Variants in DLG5 observed in about 807,000 individuals in gnomAD.
The protein encoded by DLG5 is discs large MAGUK scaffold protein 5.
DLG5 carries 48 observed loss-of-function variants against 189.8 expected under a neutral mutation model. That is an observed-to-expected ratio of 0.25 (90% CI 0.20 to 0.32). The LOEUF (loss-of-function observed/expected upper bound fraction) is 0.32, where lower values mean the gene tolerates loss of function less well. DLG5 is among the 10% of genes least tolerant of loss of function. The pLI, the probability that DLG5 is intolerant of heterozygous loss-of-function variation, is 1.00. For synonymous variants in DLG5, 1,016 were observed against 1,054.1 expected, an observed-to-expected ratio of 0.96 and a Z score of 0.70; for missense variants, 2,160 against 2,544.7, an observed-to-expected ratio of 0.85 and a Z score of 3.25.
At chr10:77,863,641 A>G (rs1844559816) in intron 2 of DLG5, among the ~76,000 whole-genome samples, 1 of 152,204 alleles carries the variant, frequency 6.6e-6, no homozygotes, top group Non-Finnish European at 1.5e-5. Flanking sequence ...GTTCTTCTGG[A>G]CTCAAATGCA....
At chr10:77,817,753 A>G in intron 18 of DLG5, 24 bp downstream of exon 18, 1 of 1,545,562 alleles carries the variant, frequency 6.5e-7, no homozygotes, top group Non-Finnish European at 8.8e-7. Flanking sequence ...CCTCTGCAGC[A>G]CAAAGTCCAA....
At chr10:77,842,475 C>A (rs1304187486) in intron 6 of DLG5, among the ~76,000 whole-genome samples, 1 of 152,218 alleles carries the variant, frequency 6.6e-6, no homozygotes, top group Non-Finnish European at 1.5e-5. Context: ...AGTCAAGCCA[C>A]ATTAATTTTT....
chr10:77,805,713 G>A lies in DLG5; in HGVS notation c.5116C>T (p.Leu1706=), dbSNP rs1841434164. Residue 1706 remains leucine, a synonymous_variant, in exon 27 of 32, where the codon CTG becomes TTG. Coordinates refer to ENST00000372391, the MANE Select transcript of DLG5 (RefSeq NM_004747.4). ...KRSGSKDGKD[L]LALDAFSSDS... is the part of the protein sequence containing the mutation. ...CTGGAAAAGGCATCCAAGGCGAGCA[G>A]GTCTTTCCCGTCCTTGGACCCGCTG... 1 of 1,614,138 alleles carries A rather than the reference G, an allele frequency of 6.2e-7. No homozygotes were observed. The highest frequency in any genetic ancestry group is 2.2e-5 in the East Asian group (1 of 44,874).
chr10:77,855,126 T>C (rs1844169898), intron 3 of DLG5, among the ~76,000 whole-genome samples: 2 of 152,378 alleles, frequency 1.3e-5, no homozygotes, highest in South Asian at 4.1e-4. Context: ...TACATTAGCA[T>C]ATCTGAGGAT....
In DLG5 at chr10:77,859,542, TG is replaced by T. The variant is rs571249432; in HGVS notation, c.374-2651del. 3.6e-3 allele frequency among the ~76,000 whole-genome samples: 541 copies of T among 152,340 alleles called. 2 individuals carry two copies. The highest frequency in any genetic ancestry group is 0.012 in the African/African-American group (508 of 41,570). On this transcript the variant is annotated intron_variant, in intron 2 of 31. Transcript: ENST00000372391. ...ATAGACACACAAATACTTACCATTGTGTTACAACTGGCTACCGTAGCCAGTA... is the reference window on the plus strand; with the variant it reads ...ATAGACACACAAATACTTACCATTGTTTACAACTGGCTACCGTAGCCAGTA...
intron 1 of DLG5, among the ~76,000 whole-genome samples, chr10:77,872,218 C>T (rs1241123066): frequency 6.6e-6 from 1 of 152,232 alleles, no homozygotes; most frequent in Non-Finnish European, 1.5e-5. Flanking sequence ...CTCTTTCTTA[C>T]TCTTGGCATC....
intron 27 of DLG5, among the ~76,000 whole-genome samples, chr10:77,799,113 G>C (rs1201316169): frequency 6.6e-6 from 1 of 152,146 alleles, no homozygotes; most frequent in African/African-American, 2.4e-5. Flanking sequence ...CACAATTACA[G>C]AATTGTAAGA....
At chr10:77,815,436 G>A (rs1842001877) in intron 20 of DLG5, among the ~76,000 whole-genome samples, 1 of 152,194 alleles carries the variant, frequency 6.6e-6, no homozygotes, top group Non-Finnish European at 1.5e-5. Context: ...GAGGCGGGTG[G>A]ATCACCTGAG....
intron 9 of DLG5, among the ~76,000 whole-genome samples, chr10:77,832,822 G>A (rs940442475): frequency 3.3e-5 from 5 of 152,174 alleles, no homozygotes; most frequent in Admixed American, 6.5e-5. Context: ...CCATCACATT[G>A]CTAGACCCAA....
chr10:77,868,794 G>A (rs1368287564), intron 2 of DLG5: 2 of 335,678 alleles, frequency 6.0e-6, no homozygotes, highest in Non-Finnish European at 1.1e-5. Context: ...CTCCAAAAGG[G>A]GTGAGTCTCC....
chr10:77,884,159 G>A (rs1845368051), intron 1 of DLG5, among the ~76,000 whole-genome samples: 2 of 152,200 alleles, frequency 1.3e-5, no homozygotes, highest in Admixed American at 6.6e-5. Context: ...AGGCAATGGG[G>A]TGGAGGGAGC....
At chr10:77,859,941 T>A (rs1362396324) in intron 2 of DLG5, among the ~76,000 whole-genome samples, 1 of 152,214 alleles carries the variant, frequency 6.6e-6, no homozygotes, top group South Asian at 2.1e-4. Flanking sequence ...CCCAGCAGTT[T>A]TGTGGGTCAG....
rs560483492 is a variant in DLG5, at chr10:77,812,003, C to T, written c.4243G>A (p.Gly1415Arg). 3.7e-6 allele frequency: 6 copies of T among 1,611,268 alleles called. No individual in the cohort carries two copies. Among genetic ancestry groups the T allele is most frequent in the East Asian group, 4.5e-5 (2 of 44,854 alleles). ...ATEQQARLII[G>R]QQCDTITILA... ...ATGGTGATGGTATCACACTGCTGCC[C>T]GATGATGAGCCGCGCCTGCTGCTCC... Residue 1415 changes from glycine (G) to arginine (R), a missense_variant, in exon 22 of 32, where the codon GGG becomes AGG. Transcript: ENST00000372391.
intron 1 of DLG5, among the ~76,000 whole-genome samples, chr10:77,906,709 C>G (rs1846080311): frequency 6.7e-6 from 1 of 148,614 alleles, no homozygotes; most frequent in South Asian, 2.2e-4. Flanking sequence ...ACTCCACCAT[C>G]CACCTCCCCA....
At chr10:77,843,733 A>AT (rs1359323214) in intron 5 of DLG5, 27 bp from the exon 6 acceptor site, 4 of 1,612,834 alleles carry the variant, frequency 2.5e-6, no homozygotes, top group Non-Finnish European at 3.4e-6. Flanking sequence ...TTCACTTACC[A>AT]AGGGTCTGTG....
At chr10:77,833,026 C>T (rs1359300087) in intron 9 of DLG5, among the ~76,000 whole-genome samples, 1 of 152,052 alleles carries the variant, frequency 6.6e-6, no homozygotes, top group Non-Finnish European at 1.5e-5. Context: ...AAGGCTTGCA[C>T]ACTTGCACTC....
At chr10:77,798,057 C>G (rs2918623) in intron 27 of DLG5, among the ~76,000 whole-genome samples, 36,417 of 151,912 alleles carry the variant, frequency 0.24, 5,241 homozygotes, top group Admixed American at 0.38. Context: ...TGTGCTGGCG[C>G]ACACCTGTAA....
In DLG5 at chr10:77,796,439, C is replaced by T. The variant is rs368300611; in HGVS notation, c.5308+12G>A. On this transcript the variant is annotated intron_variant, in intron 28 of 31. Transcript: ENST00000372391. The surrounding 1 kb of genome is among the most constrained non-coding windows in gnomAD (Gnocchi z 5.2). ...AGCCCAGTAGGCACAGAGGGTGCCC[C>T]GTGCCCCTTACCAAGGGGACATCTG... 16 of 1,614,024 alleles carry T rather than the reference C, an allele frequency of 9.9e-6. No individual in the cohort carries two copies. The highest frequency in any genetic ancestry group is 2.2e-5 in the East Asian group (1 of 44,894).
In DLG5 at chr10:77,819,207, C is replaced by G; in HGVS notation, c.3671+114G>C. On this transcript the variant is annotated intron_variant, in intron 17 of 31. Coordinates refer to ENST00000372391, the MANE Select transcript of DLG5 (RefSeq NM_004747.4). ...CTGTGCTGCTCTAGCCAGTCCCCTCCCAGGCAGGCAAGGAAGCTTCTCCAC... is the reference window on the plus strand; with the variant it reads ...CTGTGCTGCTCTAGCCAGTCCCCTCGCAGGCAGGCAAGGAAGCTTCTCCAC... 2.0e-6 allele frequency: 3 copies of G among 1,498,568 alleles called. No individual in the cohort carries two copies. In the South Asian group the frequency reaches 3.5e-5, roughly 17 times the overall value. 92.8% of individuals were successfully genotyped at this position (1,498,568 alleles called of 1,614,324 possible).
Sources: allele counts gnomAD v4.1 joint callset (sites outside exome capture counted in the v4.1 genomes callset), GRCh38; gene constraint gnomAD v4.1.1; non-coding constraint Gnocchi (gnomAD v3.1); transcripts MANE v1.5; gene names NCBI Gene and HGNC (gene_info 2026-07-23, HGNC 2026-07-21).